Variants in RGS6 observed in about 807,000 individuals in gnomAD.
RGS6 encodes the protein regulator of G-protein signaling 6.
Under a neutral mutation model 78.5 loss-of-function variants are expected in RGS6, and 30 were observed. The ratio of observed to expected loss-of-function variants is 0.38; its 90% CI spans 0.29 to 0.52. The LOEUF (loss-of-function observed/expected upper bound fraction) is 0.52, where lower values mean the gene tolerates loss of function less well. Ranked by LOEUF, RGS6 falls within the 20% of genes least tolerant of loss-of-function variation. RGS6 has a pLI of 0.85. For missense variants in RGS6, 495 were observed against 609.7 expected (o/e 0.81, Z 1.98); for synonymous variants, 206 against 206.0 (o/e 1.00, Z 0.00).
chr14:72,021,930 C>T (rs930616908), intron 2 of RGS6, among the ~76,000 whole-genome samples: 2 of 149,778 alleles, frequency 1.3e-5, no homozygotes, highest in Non-Finnish European at 3.0e-5. Context: ...CTCCTTCTGC[C>T]ACCCCCACCC....
chr14:72,308,431 G>A (rs971816369), intron 2 of RGS6, among the ~76,000 whole-genome samples: 2 of 151,970 alleles, frequency 1.3e-5, no homozygotes, highest in Non-Finnish European at 2.9e-5. Flanking sequence ...TCCCTTTACT[G>A]TCCTACTTTT....
intron 2 of RGS6, among the ~76,000 whole-genome samples, chr14:72,272,687 C>T (rs1323021474): frequency 1.3e-5 from 2 of 152,176 alleles, no homozygotes; most frequent in Admixed American, 1.3e-4. Flanking sequence ...CATTGTAATG[C>T]AGTGTTCACT....
intron 15 of RGS6, among the ~76,000 whole-genome samples, chr14:72,534,869 C>T (rs2097227214): frequency 6.6e-6 from 1 of 152,184 alleles, no homozygotes; most frequent in South Asian, 2.1e-4. Context: ...CTCTCCATCC[C>T]CCTCACCACT....
intron 12 of RGS6, among the ~76,000 whole-genome samples, chr14:72,484,152 C>G (rs556795835): frequency 1.3e-5 from 2 of 152,320 alleles, no homozygotes; most frequent in South Asian, 2.1e-4. Context: ...ATGCTCTCCT[C>G]TTCACCCCCT....
chr14:71,943,587 AAGTGGGAGAAGGC>A (rs1418479533), intron 1 of RGS6, among the ~76,000 whole-genome samples: 5 of 152,162 alleles, frequency 3.3e-5, no homozygotes, highest in Admixed American at 6.5e-5. Context: ...CCACACATCT[AAGTGGGAGAAGGC>A]AGCGTGGGCA....
chr14:71,947,000 A>G (rs2091620480), intron 1 of RGS6, among the ~76,000 whole-genome samples: 1 of 152,238 alleles, frequency 6.6e-6, no homozygotes, highest in Non-Finnish European at 1.5e-5. Flanking sequence ...TTATGTTGGT[A>G]AGAGCAGTGT....
the RGS6 span, among the ~76,000 whole-genome samples, chr14:72,580,353 G>C: frequency 4.1e-5 from 6 of 147,384 alleles, no homozygotes; most frequent in Admixed American, 2.0e-4. Flanking sequence ...CTGCAGGAGA[G>C]AAGCAATCAG....
chr14:71,993,530 G>A (rs1308119638), intron 2 of RGS6, among the ~76,000 whole-genome samples: 3 of 152,056 alleles, frequency 2.0e-5, no homozygotes, highest in Admixed American at 2.0e-4. Flanking sequence ...CATAGATATT[G>A]TTGTTATCCT....
intron 2 of RGS6, among the ~76,000 whole-genome samples, chr14:72,196,613 G>A (rs1164355611): frequency 6.6e-6 from 1 of 152,182 alleles, no homozygotes; most frequent in Non-Finnish European, 1.5e-5. Context: ...GCAAGAAAAG[G>A]GAAAATATGT....
chr14:72,537,507 C>T, intron 16 of RGS6: 1 of 702,334 alleles, frequency 1.4e-6, no homozygotes, highest in Non-Finnish European at 2.6e-6. Context: ...TTCCTGCATC[C>T]CTCCCCACAG....
chr14:72,519,297 T>G (rs1489252280), intron 15 of RGS6, among the ~76,000 whole-genome samples: 1 of 152,160 alleles, frequency 6.6e-6, no homozygotes, highest in African/African-American at 2.4e-5. Context: ...AAGCATTGGG[T>G]TGGTTTCTTA....
chr14:72,462,553 T>C lies in RGS6; in HGVS notation c.394+2870T>C, dbSNP rs571156368. ...AAGTAAGGGCTGTGACTTAGTCAAA[T>C]AGTTCCTGATATTCAGTGGGCTCAA... On this transcript the variant is annotated intron_variant, in intron 6 of 17. Coordinates refer to ENST00000553525, the MANE Select transcript of RGS6 (RefSeq NM_001204424.2). 1.8e-4 allele frequency among the ~76,000 whole-genome samples: 28 copies of C among 152,306 alleles called. No homozygotes were observed. In the South Asian group the frequency reaches 2.1e-3, roughly 11 times the overall value.
intron 14 of RGS6, among the ~76,000 whole-genome samples, chr14:72,514,319 T>A (rs567460672): frequency 6.6e-6 from 1 of 152,206 alleles, no homozygotes; most frequent in Non-Finnish European, 1.5e-5. Context: ...TTCTAACCCA[T>A]GAAAATTCTA....
At chr14:72,481,684 G>A (rs987514461) in intron 12 of RGS6, among the ~76,000 whole-genome samples, 1 of 152,118 alleles carries the variant, frequency 6.6e-6, no homozygotes, top group African/African-American at 2.4e-5. Flanking sequence ...GCACCTGGAA[G>A]CAACACAAAA....
At chr14:72,273,424 G>T (rs1303397453) in intron 2 of RGS6, among the ~76,000 whole-genome samples, 1 of 151,938 alleles carries the variant, frequency 6.6e-6, no homozygotes, top group Admixed American at 6.6e-5. Flanking sequence ...AAAGTTTCCA[G>T]CTAGGCATTA....
chr14:72,552,489 A>G (rs1279328297), intron 17 of RGS6: 1 of 152,232 alleles, frequency 6.6e-6, no homozygotes, highest in Non-Finnish European at 1.5e-5. Flanking sequence ...GCCTCCTGCT[A>G]CCAGAGACAG....
At chr14:72,448,527 T>C (rs2095421230) in intron 3 of RGS6, among the ~76,000 whole-genome samples, 1 of 151,710 alleles carries the variant, frequency 6.6e-6, no homozygotes, top group African/African-American at 2.4e-5. Flanking sequence ...AAAAAGACGG[T>C]AAAGATTGTC....
At chr14:72,200,908 T>C (rs1454746933) in intron 2 of RGS6, among the ~76,000 whole-genome samples, 1 of 146,350 alleles carries the variant, frequency 6.8e-6, no homozygotes, top group Non-Finnish European at 1.5e-5. Context: ...GGGGTTGGTA[T>C]GATTTAGGGA....
Position 71,936,030 on chromosome 14 carries a change from A to ATATATATACATATATATATATATG in RGS6, c.-21+3097_-21+3098insCATATATATATATATGTATATATA, listed in dbSNP as rs781759305. Among the ~76,000 whole-genome samples the ATATATATACATATATATATATATG allele has an allele frequency of 1.3e-3, 177 of 133,220 alleles. 1 individual carries two copies. Among genetic ancestry groups the ATATATATACATATATATATATATG allele is most frequent in the East Asian group, 9.1e-3 (42 of 4,624 alleles). 87.4% of individuals were successfully genotyped at this position (133,220 alleles called of 152,430 possible). On this transcript the variant is annotated intron_variant, in intron 1 of 17. Transcript: ENST00000553525. ...GAACTAATAGGATATATATATATATATATATATATATGTACATATATATCA... is the reference window on the plus strand; with the variant it reads ...GAACTAATAGGATATATATATATATATATATATACATATATATATATATGTATATATATATGTACATATATATCA...
Sources: gnomAD v4.1 joint callset for allele counts (sites outside exome capture counted in the v4.1 genomes callset) on GRCh38, gnomAD v4.1.1 for gene constraint, MANE v1.5 for transcripts, NCBI Gene and HGNC (gene_info 2026-07-23, HGNC 2026-07-21) for gene names.